ZNF540: variants seen among roughly 807,000 people sequenced by gnomAD.
ZNF540 encodes zinc finger protein 540, also known as CTD-3064H18.6.
Under a neutral mutation model 11.8 loss-of-function variants are expected in ZNF540, and 3 were observed. That is an observed-to-expected ratio of 0.25 (90% CI 0.12 to 0.65). The LOEUF is 0.65. Ranked by LOEUF, ZNF540 falls within the 30% of genes least tolerant of loss-of-function variation. The pLI, the probability that ZNF540 is intolerant of heterozygous loss-of-function variation, is 0.83. For missense variants in ZNF540, 709 were observed against 793.1 expected (o/e 0.89, Z 1.27); for synonymous variants, 247 against 259.0 (o/e 0.95, Z 0.45).
chr19:37,591,257 T>C (rs918615354), upstream of ZNF540, among the ~76,000 whole-genome samples: 4 of 152,186 alleles, frequency 2.6e-5, no homozygotes, highest in East Asian at 5.8e-4. Flanking sequence ...ACAGGAAATG[T>C]AGAAGTTGAT....
chr19:37,579,509 T>A (rs910618455), intron 1 of ZNF540, among the ~76,000 whole-genome samples: 1 of 151,976 alleles, frequency 6.6e-6, no homozygotes, highest in Non-Finnish European at 1.5e-5. Context: ...CCCTATTCAA[T>A]AAATGGTGCT....
In ZNF540 at chr19:37,600,882, C is replaced by T. The variant is rs7260079; in HGVS notation, c.137-128C>T. The T allele has an allele frequency of 0.016, 11,317 of 728,496 alleles. 871 individuals are homozygous for T. The African/African-American group carries it at 0.17, about 11-fold the overall frequency. The allele number at this position is 728,496 out of a possible 1,614,324, so 45.1% of individuals were successfully genotyped here. ...ACACTAAGTTGAATATTCTTTAATC[C>T]TGTCAGTTTTTTCCGAAGTCTTCAT... On this transcript the variant is annotated intron_variant, in intron 3 of 4. Transcript: ENST00000316433.
chr19:37,560,950 G>T (rs1349899447), intron 1 of ZNF540: 1 of 144,270 alleles, frequency 6.9e-6, no homozygotes. Flanking sequence ...TATGGCTCAT[G>T]TCTGTAATCG....
rs565229471 is a variant in ZNF540 at position 37,584,299 on chromosome 19, T to C, written c.-72-14077T>C. 6.4e-5 allele frequency: 38 copies of C among 592,264 alleles called. No individual in the cohort carries two copies. In the Admixed American group the frequency reaches 1.2e-3, roughly 19 times the overall value. 36.7% of individuals were successfully genotyped at this position (592,264 alleles called of 1,614,324 possible). A position where few individuals can be genotyped will look rare whatever the true frequency, so the allele number is the denominator to read the frequency against. On this transcript the variant is annotated intron_variant, in intron 1 of 4. Transcript: ENST00000592533. The stretch of plus-strand genomic sequence containing the variant: ...CCTCTGTACAATAGAACAATTCCAT[T>C]ATCCAGAAAGGTCTGAGAATTTAAA...
At position 37,569,544 on chromosome 19, in the gene ZNF540, A is replaced by T. The variant is rs1192292949; in HGVS notation, c.-73+17879A>T. On this transcript the variant is annotated intron_variant, in intron 1 of 4. Transcript: ENST00000592533. This position sits in a 1 kb window ranked among gnomAD's most constrained non-coding sequence, Gnocchi z 4.4. ...TCATAAAATTATCTTTGCTATATGT[A>T]TTATATATTCATATTTTGTTATTTT... 1.3e-5 allele frequency among the ~76,000 whole-genome samples: 2 copies of T among 152,198 alleles called. No homozygotes were observed. Among genetic ancestry groups the T allele is most frequent in the Non-Finnish European group, 2.9e-5 (2 of 68,036 alleles).
At chr19:37,604,634 TTTA>T (rs1444081459) in intron 4 of ZNF540, among the ~76,000 whole-genome samples, 1 of 152,152 alleles carries the variant, frequency 6.6e-6, no homozygotes. Context: ...TCAAATCAGC[TTTA>T]TTGAGATATG....
In ZNF540 at chr19:37,564,768, C is replaced by A. The variant is rs149435363; in HGVS notation, c.-73+13103C>A. On this transcript the variant is annotated intron_variant, in intron 1 of 4. Coordinates refer to the ZNF540 transcript ENST00000592533. ...TCCTTACATTCATAGGGTTTCTCTC[C>A]AGTATGAGTTCTCAGATGTTCAGTA... 9.9e-6 allele frequency: 16 copies of A among 1,613,820 alleles called. No individual in the cohort carries two copies. The African/African-American group carries it at 2.0e-4, about 20-fold the overall frequency.
intron 1 of ZNF540, among the ~76,000 whole-genome samples, chr19:37,584,927 G>A (rs560076150): frequency 1.4e-5 from 2 of 145,444 alleles, no homozygotes; most frequent in South Asian, 4.3e-4. Context: ...TTGCGCCACT[G>A]CACTCCCGCC....
rs1456357022 is a variant in ZNF540 at position 37,565,289 on chromosome 19, TAAG to T, written c.-73+13625_-73+13627del. On this transcript the variant is annotated intron_variant, in intron 1 of 4. Coordinates refer to the ZNF540 transcript ENST00000592533. ...CTCACCTGAATGAACTCTCAGGTGG[TAAG>T]TAAGTTGTGAGCCACGAAAAAAGGT... The T allele has an allele frequency of 1.9e-6, 3 of 1,610,216 alleles. No homozygotes were observed. The South Asian group carries it at 3.3e-5, about 18-fold the overall frequency.
intron 4 of ZNF540, among the ~76,000 whole-genome samples, chr19:37,607,488 C>T (rs1227704274): frequency 3.3e-5 from 5 of 152,168 alleles, no homozygotes; most frequent in African/African-American, 7.2e-5. Flanking sequence ...TCTCTCCACC[C>T]TAACCTTTAG....
chr19:37,611,930 G>A lies in ZNF540; in HGVS notation c.650G>A (p.Cys217Tyr), dbSNP rs758918746. Residue 217 changes from cysteine (C) to tyrosine (Y), a missense_variant, in exon 5 of 5, where the codon TGT (cysteine) becomes TAT (tyrosine). Coordinates refer to ENST00000316433, the MANE Select transcript of ZNF540 (RefSeq NM_001172225.3). ...KIHTGEKSCK[C>Y]EKCGKVFSHS... is the part of the protein sequence containing the mutation. Reference sequence around the variant, plus strand: ...CATACTGGTGAAAAATCCTGTAAATGTGAGAAATGTGGGAAAGTTTTTAGT... The same window carrying A: ...CATACTGGTGAAAAATCCTGTAAATATGAGAAATGTGGGAAAGTTTTTAGT... 3.1e-6 allele frequency: 5 copies of A among 1,613,654 alleles called. No homozygotes were observed. The highest frequency in any genetic ancestry group is 4.2e-6 in the Non-Finnish European group (5 of 1,179,954).
At chr19:37,592,705 G>C (rs1600546647), upstream of ZNF540, among the ~76,000 whole-genome samples, 1 of 152,230 alleles carries the variant, frequency 6.6e-6, no homozygotes, top group African/African-American at 2.4e-5. Flanking sequence ...AATTAAAGGT[G>C]ATTTAGGGAA....
Position 37,612,077 on chromosome 19 carries a change from C to T in ZNF540, c.797C>T (p.Thr266Ile). Residue 266 changes from threonine to isoleucine, a missense_variant, in exon 5 of 5, where the codon ACT becomes ATT. Thr to Ile is a moderately conservative substitution (Grantham distance 89). Transcript: ENST00000316433. ...PQLNRHQKIH[T>I]GKKPYMCKKC... ...CTTAATCGACATCAGAAAATTCACA[C>T]TGGTAAAAAACCCTATATGTGTAAG... The T allele has an allele frequency of 1.2e-6, 2 of 1,611,594 alleles. No homozygotes were observed. The highest frequency in any genetic ancestry group is 1.7e-6 in the Non-Finnish European group (2 of 1,179,526).
At chr19:37,570,250 C>T (rs886813509) in intron 1 of ZNF540, among the ~76,000 whole-genome samples, 2 of 152,186 alleles carry the variant, frequency 1.3e-5, no homozygotes, top group Non-Finnish European at 2.9e-5. Flanking sequence ...CTACTTCACT[C>T]CAAACTATGC....
upstream of ZNF540, among the ~76,000 whole-genome samples, chr19:37,590,746 ATAT>A (rs2043845921): frequency 6.6e-6 from 1 of 152,174 alleles, no homozygotes. Context: ...TGTAAGTGTA[ATAT>A]TATATCAAAA....
chr19:37,584,779 G>A (rs1164732660), intron 1 of ZNF540, among the ~76,000 whole-genome samples: 3 of 152,000 alleles, frequency 2.0e-5, no homozygotes, highest in Non-Finnish European at 2.9e-5. Context: ...TGGCTAACAC[G>A]GTGAAACCCC....
chr19:37,594,823 G>A (rs973387889), upstream of ZNF540: 1 of 152,212 alleles, frequency 6.6e-6, no homozygotes, highest in Non-Finnish European at 1.5e-5. Context: ...GGGCCTTCGG[G>A]AAATGTAGTC....
chr19:37,610,053 T>C (rs1303957951), intron 4 of ZNF540, among the ~76,000 whole-genome samples: 1 of 152,186 alleles, frequency 6.6e-6, no homozygotes, highest in Non-Finnish European at 1.5e-5. Flanking sequence ...TTTTTCATTT[T>C]ATACATTTGG....
rs538450125 is a variant in ZNF540 at position 37,599,748 on chromosome 19, A to G, written c.132A>G (p.Ser44=). 3 of 1,606,696 alleles carry G rather than the reference A, an allele frequency of 1.9e-6. No homozygotes were observed. Among genetic ancestry groups the G allele is most frequent in the Middle Eastern group, 1.7e-4 (1 of 6,020 alleles). ...VMLENYNNLV[S]LGYSGSKPDV... is the part of the protein sequence containing the mutation. ...TGGAGAATTATAATAACTTGGTCTCACTGGGTAAGGTCACCTATGTCAAAT... is the reference window on the plus strand; with the variant it reads ...TGGAGAATTATAATAACTTGGTCTCGCTGGGTAAGGTCACCTATGTCAAAT... Residue 44 remains serine, a synonymous_variant, in exon 3 of 5, where the codon TCA becomes TCG. Transcript: ENST00000316433.
Sources: allele counts gnomAD v4.1 joint callset (sites outside exome capture counted in the v4.1 genomes callset), GRCh38; gene constraint gnomAD v4.1.1; non-coding constraint Gnocchi (gnomAD v3.1); transcripts MANE v1.5; gene names NCBI Gene and HGNC (gene_info 2026-07-23, HGNC 2026-07-21).